Variants in MICU1 observed in about 807,000 individuals in gnomAD.
MICU1 encodes mitochondrial calcium uptake 1.
MICU1 carries 45 observed loss-of-function variants against 56.8 expected under a neutral mutation model. The ratio of observed to expected loss-of-function variants is 0.79; its 90% CI spans 0.62 to 1.02. MICU1 has a LOEUF of 1.02. MICU1 is among the 50% of genes least tolerant of loss of function. MICU1 has a pLI of 0.00. For synonymous variants in MICU1, 186 were observed against 195.1 expected (o/e 0.95, Z 0.39); for missense variants, 504 against 587.1 (o/e 0.86, Z 1.46).
chr10:72,424,713 T>G (rs1864292738), intron 8 of MICU1, among the ~76,000 whole-genome samples: 1 of 152,168 alleles, frequency 6.6e-6, no homozygotes, highest in African/African-American at 2.4e-5. Flanking sequence ...GTGACAGAGC[T>G]GGGATTTGAA....
At chr10:72,436,064 GA>G in intron 8 of MICU1, among the ~76,000 whole-genome samples, 1 of 152,226 alleles carries the variant, frequency 6.6e-6, no homozygotes, top group Non-Finnish European at 1.5e-5. Flanking sequence ...TTTGAGCTCT[GA>G]AAATGGACAG....
At chr10:72,504,805 A>T (rs971813530) in intron 6 of MICU1, among the ~76,000 whole-genome samples, 1 of 152,130 alleles carries the variant, frequency 6.6e-6, no homozygotes, top group Non-Finnish European at 1.5e-5. Flanking sequence ...AACCTCATTA[A>T]AAGTGGGCAA....
intron 9 of MICU1, among the ~76,000 whole-genome samples, chr10:72,412,263 T>TG (rs1863840094): frequency 6.6e-6 from 1 of 152,220 alleles, no homozygotes; most frequent in Non-Finnish European, 1.5e-5. Context: ...TTGAGTTGTT[T>TG]GGACAAGAAG....
intron 10 of MICU1, among the ~76,000 whole-genome samples, chr10:72,383,056 A>G (rs998426198): frequency 6.6e-6 from 1 of 152,192 alleles, no homozygotes; most frequent in African/African-American, 2.4e-5. Context: ...AGCCTGGGCA[A>G]TAGAGGAAGA....
At chr10:72,432,412 G>A (rs1864569238) in intron 8 of MICU1, among the ~76,000 whole-genome samples, 1 of 152,278 alleles carries the variant, frequency 6.6e-6, no homozygotes, top group South Asian at 2.1e-4. Flanking sequence ...TTACAGGCAT[G>A]AGCCACCCTG....
At chr10:72,377,826 A>G (rs567355529) in intron 10 of MICU1, among the ~76,000 whole-genome samples, 3 of 152,316 alleles carry the variant, frequency 2.0e-5, no homozygotes, top group African/African-American at 7.2e-5. Context: ...TCGCATTCCT[A>G]TAATTTCAGT....
chr10:72,416,318 C>T (rs1202436284), intron 9 of MICU1, among the ~76,000 whole-genome samples: 1 of 152,124 alleles, frequency 6.6e-6, no homozygotes, highest in Non-Finnish European at 1.5e-5. Context: ...ACAACAACAA[C>T]AAAAAGTAGA....
chr10:72,475,066 T>C (rs769976685), intron 8 of MICU1, 34 bp downstream of exon 8: 4 of 1,569,568 alleles, frequency 2.5e-6, no homozygotes, highest in Non-Finnish European at 2.6e-6. Context: ...CAGTTCCACA[T>C]GTGATGGATC....
chr10:72,551,851 G>A (rs146889040), intron 3 of MICU1, among the ~76,000 whole-genome samples: 2 of 152,106 alleles, frequency 1.3e-5, no homozygotes, highest in African/African-American at 4.8e-5. Context: ...GTCCAGGCTG[G>A]CCTCAAACTC....
intron 6 of MICU1, among the ~76,000 whole-genome samples, chr10:72,507,653 CTGT>C (rs1291437659): frequency 1.3e-5 from 2 of 152,078 alleles, no homozygotes; most frequent in Non-Finnish European, 2.9e-5. Flanking sequence ...TTTTTTGCTG[CTGT>C]TGTTTTTGAG....
At chr10:72,527,975 A>C (rs745759882) in intron 5 of MICU1, among the ~76,000 whole-genome samples, 8 of 152,016 alleles carry the variant, frequency 5.3e-5, no homozygotes, top group Non-Finnish European at 1.2e-4. Flanking sequence ...ACAGGTGTGC[A>C]CCACCATACC....
At chr10:72,532,767 C>T in intron 5 of MICU1, 1 of 752,454 alleles carries the variant, frequency 1.3e-6, no homozygotes, top group Non-Finnish European at 1.6e-6. Flanking sequence ...ACTGTGCCAC[C>T]TTAATAGGAA....
At chr10:72,567,280 G>A (rs960377729) in intron 1 of MICU1, among the ~76,000 whole-genome samples, 1 of 152,046 alleles carries the variant, frequency 6.6e-6, no homozygotes, top group African/African-American at 2.4e-5. Context: ...GGATGTTGAG[G>A]TGACAGTGAG....
chr10:72,400,181 A>G (rs1434628490), intron 10 of MICU1, among the ~76,000 whole-genome samples: 3 of 152,220 alleles, frequency 2.0e-5, no homozygotes, highest in African/African-American at 7.2e-5. Flanking sequence ...ATAATGAGAC[A>G]TGAACTATAT....
intron 1 of MICU1, among the ~76,000 whole-genome samples, chr10:72,590,648 C>T (rs1841197263): frequency 6.6e-6 from 1 of 151,836 alleles, no homozygotes; most frequent in Non-Finnish European, 1.5e-5. Context: ...CCCGTCTCTA[C>T]TAAAAATACA....
intron 11 of MICU1, among the ~76,000 whole-genome samples, chr10:72,371,988 G>A (rs979214952): frequency 5.9e-5 from 9 of 151,750 alleles, no homozygotes; most frequent in Admixed American, 2.0e-4. Flanking sequence ...TCTGAAAGGC[G>A]GGAGTTGCAG....
At chr10:72,622,005 C>T (rs553476290) in intron 1 of MICU1, among the ~76,000 whole-genome samples, 23 of 152,228 alleles carry the variant, frequency 1.5e-4, no homozygotes, top group African/African-American at 5.3e-4. Flanking sequence ...GCTCTGCCTC[C>T]CAGGTTCACG....
At chr10:72,573,148 C>A (rs1175391151) in intron 1 of MICU1, among the ~76,000 whole-genome samples, 1 of 151,294 alleles carries the variant, frequency 6.6e-6, no homozygotes, top group African/African-American at 2.4e-5. Context: ...TATGTAAAAA[C>A]ATGAAAAAAG....
intron 9 of MICU1, among the ~76,000 whole-genome samples, chr10:72,415,668 G>A (rs1214697085): frequency 6.6e-6 from 1 of 152,050 alleles, no homozygotes. Flanking sequence ...TTTTAGCCTG[G>A]GATTTACGGT....
Sources: allele counts gnomAD v4.1 joint callset (sites outside exome capture counted in the v4.1 genomes callset), GRCh38; gene constraint gnomAD v4.1.1; transcripts MANE v1.5; gene names NCBI Gene and HGNC (gene_info 2026-07-23, HGNC 2026-07-21).